Variants in GRIN3A observed in about 807,000 individuals in gnomAD.
GRIN3A encodes the protein glutamate ionotropic receptor NMDA type subunit 3A.
Under a neutral mutation model 92.4 loss-of-function variants are expected in GRIN3A, and 47 were observed. The ratio of observed to expected loss-of-function variants is 0.51; its 90% CI spans 0.40 to 0.65. The LOEUF (loss-of-function observed/expected upper bound fraction) is 0.65. Ranked by LOEUF, GRIN3A falls within the 30% of genes least tolerant of loss-of-function variation. The probability of loss-of-function intolerance (pLI) is 0.00; values close to 1 mark genes in which losing one functional copy is unlikely to be tolerated. For missense variants in GRIN3A, 1,324 were observed against 1,393.1 expected (o/e 0.95, Z 0.79); for synonymous variants, 527 against 540.6 (o/e 0.97, Z 0.35).
chr9:101,711,954 G>A (rs1033783728), intron 1 of GRIN3A, among the ~76,000 whole-genome samples: 1 of 152,126 alleles, frequency 6.6e-6, no homozygotes, highest in African/African-American at 2.4e-5. Flanking sequence ...GAGCTCTTTA[G>A]GGTCCCTCCT....
intron 5 of GRIN3A, among the ~76,000 whole-genome samples, chr9:101,613,929 A>C (rs536233541): frequency 5.3e-5 from 8 of 152,188 alleles, no homozygotes; most frequent in Non-Finnish European, 8.8e-5. Context: ...GGTTGATGAC[A>C]TTCTCTTATC....
At chr9:101,687,266 T>C (rs1165711939) in intron 1 of GRIN3A, 66 bp from the exon 2 acceptor site, 1 of 1,522,592 alleles carries the variant, frequency 6.6e-7, no homozygotes, top group African/African-American at 1.4e-5. Flanking sequence ...CATAGGGTAC[T>C]TTTGCTTTCT....
chr9:101,724,466 C>A (rs985014160), intron 1 of GRIN3A, among the ~76,000 whole-genome samples: 6 of 152,128 alleles, frequency 3.9e-5, no homozygotes, highest in Non-Finnish European at 8.8e-5. Flanking sequence ...GCGCGCGCAG[C>A]CCTGGTTCCC....
At chr9:101,627,053 A>C (rs1249037239) in intron 4 of GRIN3A, among the ~76,000 whole-genome samples, 1 of 152,162 alleles carries the variant, frequency 6.6e-6, no homozygotes, top group African/African-American at 2.4e-5. Flanking sequence ...AGCAGAGCCT[A>C]GTTTGTCTGC....
rs1827749510 is a variant in GRIN3A, at chr9:101,570,854, C to T, written c.*2320G>A. Reference sequence around the variant, plus strand: ...GTGCTTTACTTTACAAAAGAATTCACTTCTGGGTTCCCTTAAACAGCCAGC... The same window carrying T: ...GTGCTTTACTTTACAAAAGAATTCATTTCTGGGTTCCCTTAAACAGCCAGC... On this transcript the variant is annotated 3_prime_UTR_variant, in exon 9 of 9. Transcript: ENST00000361820. 1 of 152,632 alleles carries T rather than the reference C, an allele frequency of 6.6e-6. No individual in the cohort carries two copies. Among genetic ancestry groups the T allele is most frequent in the Non-Finnish European group, 1.5e-5 (1 of 68,042 alleles). The allele number at this position is 152,632 out of a possible 1,614,324, so 9.5% of individuals were successfully genotyped here. A position where few individuals can be genotyped will look rare whatever the true frequency, so the allele number is the denominator to read the frequency against.
intron 5 of GRIN3A, among the ~76,000 whole-genome samples, chr9:101,622,024 T>C (rs1828563578): frequency 1.3e-5 from 2 of 152,254 alleles, no homozygotes; most frequent in South Asian, 2.1e-4. Flanking sequence ...GTAGTCTTAA[T>C]AGAAGACCAC....
intron 1 of GRIN3A, among the ~76,000 whole-genome samples, chr9:101,712,015 T>C (rs1268761924): frequency 6.6e-6 from 1 of 152,194 alleles, no homozygotes; most frequent in Admixed American, 6.5e-5. Flanking sequence ...TTTCCTCAGA[T>C]GCCTGAATTT....
chr9:101,641,808 A>G (rs536971560), intron 3 of GRIN3A, among the ~76,000 whole-genome samples: 1 of 151,980 alleles, frequency 6.6e-6, no homozygotes, highest in East Asian at 1.9e-4. Flanking sequence ...AAAAAACGAA[A>G]TGCAATAAAA....
At chr9:101,606,664 T>TG (rs1447486646) in intron 6 of GRIN3A, among the ~76,000 whole-genome samples, 7 of 152,106 alleles carry the variant, frequency 4.6e-5, no homozygotes, top group African/African-American at 1.7e-4. Flanking sequence ...CCAAGACCAC[T>TG]GTTTCCTCTT....
rs750110532 is a variant in GRIN3A at position 101,737,654 on chromosome 9, C to A, written c.326G>T (p.Gly109Val). 1 of 1,599,932 alleles carries A rather than the reference C, an allele frequency of 6.3e-7. No homozygotes were observed. Among genetic ancestry groups the A allele is most frequent in the Non-Finnish European group, 8.5e-7 (1 of 1,175,372 alleles). Residue 109 changes from glycine (G) to valine (V), a missense_variant, in exon 1 of 9, where the codon GGC (glycine) becomes GTC (valine). Gly to Val is a moderately radical substitution (Grantham distance 109, BLOSUM62 -3). Transcript: ENST00000361820. Reference protein sequence around the residue: ...GSTLHGRGPPGSRKPGEGARA... With the variant: ...GSTLHGRGPPVSRKPGEGARA... ...GGCGCCCTCCCCGGGCTTACGGGAG[C>A]CCGGCGGCCCCCGGCCATGCAGGGT... is the stretch of plus-strand genomic sequence containing the variant.
intron 1 of GRIN3A, among the ~76,000 whole-genome samples, chr9:101,726,396 C>A (rs989674869): frequency 6.6e-6 from 1 of 152,106 alleles, no homozygotes; most frequent in Non-Finnish European, 1.5e-5. Flanking sequence ...CATTGGGCCC[C>A]AGAGCAAGGG....
chr9:101,738,140 A>G lies in GRIN3A; in HGVS notation c.-161T>C, dbSNP rs1241393303. 3 of 708,074 alleles carry G rather than the reference A, an allele frequency of 4.2e-6. No homozygotes were observed. The highest frequency in any genetic ancestry group is 7.5e-6 in the Non-Finnish European group (3 of 400,514). The allele number at this position is 708,074 out of a possible 1,614,324, so 43.9% of individuals were successfully genotyped here. A position where few individuals can be genotyped will look rare whatever the true frequency, so the allele number is the denominator to read the frequency against. ...GCGGTCTCTAGGCCATGCAAGTTGG[A>G]GCGTAGCGCGCCTCCGGCAGTCTCA... On this transcript the variant is annotated 5_prime_UTR_variant, in exon 1 of 9. Coordinates refer to ENST00000361820, the MANE Select transcript of GRIN3A (RefSeq NM_133445.3).
At chr9:101,701,232 G>A (rs115335453) in intron 1 of GRIN3A, among the ~76,000 whole-genome samples, 3,455 of 152,190 alleles carry the variant, frequency 0.023, 135 homozygotes, top group African/African-American at 0.079. Context: ...TAACTTTTAG[G>A]TTCAGGGCTA....
intron 5 of GRIN3A, among the ~76,000 whole-genome samples, chr9:101,619,468 G>A (rs548636955): frequency 1.3e-5 from 2 of 152,218 alleles, no homozygotes; most frequent in East Asian, 3.9e-4. Flanking sequence ...AATTTGTTGA[G>A]CACTTCTTAT....
In GRIN3A at chr9:101,613,437, A is replaced by G; in HGVS notation, c.2705T>C (p.Met902Thr). 1 of 1,614,194 alleles carries G rather than the reference A, an allele frequency of 6.2e-7. No individual in the cohort carries two copies. Among genetic ancestry groups the G allele is most frequent in the Non-Finnish European group, 8.5e-7 (1 of 1,180,010 alleles). Residue 902 changes from methionine to threonine, a missense_variant, in exon 6 of 9, where the codon ATG (methionine) becomes ACG (threonine). By Grantham distance (81) the Met-to-Thr change is moderately conservative (BLOSUM62 -1). Transcript: ENST00000361820. ...SQYKSHGFMD[M>T]LHDKWYRVVP... Reference sequence around the variant, plus strand: ...CACCCTGTACCACTTGTCATGGAGCATATCCATAAACCCATGTGACTTGTA... The same window carrying G: ...CACCCTGTACCACTTGTCATGGAGCGTATCCATAAACCCATGTGACTTGTA...
intron 1 of GRIN3A, among the ~76,000 whole-genome samples, chr9:101,725,487 T>C (rs1830072781): frequency 6.6e-6 from 1 of 152,176 alleles, no homozygotes; most frequent in Non-Finnish European, 1.5e-5. Context: ...TTGTTATAGG[T>C]AAGAGAAAAA....
chr9:101,737,693 C>T lies in GRIN3A; in HGVS notation c.287G>A (p.Arg96His). 6.4e-7 allele frequency: 1 copy of T among 1,555,242 alleles called. No homozygotes were observed. The highest frequency in any genetic ancestry group is 8.7e-7 in the Non-Finnish European group (1 of 1,155,278). ...GCCATGCAGGGTGCTCCCCAACCAG[C>T]GTGCGCCCGGCGAGGGCGCCGGGGA... ...RRSPAPSPGA[R>H]WLGSTLHGRG... The change falls in exon 1 of 9, where the codon CGC becomes CAC. Residue 96 changes from arginine (R) to histidine (H), a missense_variant. Transcript: ENST00000361820.
intron 6 of GRIN3A, among the ~76,000 whole-genome samples, chr9:101,605,333 A>G (rs886869837): frequency 1.3e-5 from 2 of 152,232 alleles, no homozygotes; most frequent in South Asian, 4.1e-4. Context: ...TCTATTCTTT[A>G]TACCAAGCCA....
chr9:101,687,037 T>A lies in GRIN3A; in HGVS notation c.863A>T (p.Lys288Met). 6.2e-7 allele frequency: 1 copy of A among 1,614,092 alleles called. No homozygotes were observed. Among genetic ancestry groups the A allele is most frequent in the Middle Eastern group, 1.6e-4 (1 of 6,062 alleles). Reference sequence around the variant, plus strand: ...GTTGATGATAGAACCAAGGTGGAACTTGGAATTATTCTGGGTAAGGAGGAG... The same window carrying A: ...GTTGATGATAGAACCAAGGTGGAACATGGAATTATTCTGGGTAAGGAGGAG... ...DFLLLTQNNSKFHLGSIINIT... is the reference protein window; with the variant it reads ...DFLLLTQNNSMFHLGSIINIT... Residue 288 changes from lysine to methionine, a missense_variant, in exon 2 of 9, where the codon AAG becomes ATG. By Grantham distance (95) the Lys-to-Met change is moderately conservative (BLOSUM62 -1). Transcript: ENST00000361820.
Sources: gnomAD v4.1 joint callset for allele counts (sites outside exome capture counted in the v4.1 genomes callset) on GRCh38, gnomAD v4.1.1 for gene constraint, MANE v1.5 for transcripts, NCBI Gene and HGNC (gene_info 2026-07-23, HGNC 2026-07-21) for gene names.